The following ITCH variants were observed in gnomAD, a reference collection of about 807,000 sequenced individuals.
ITCH encodes E3 ubiquitin-protein ligase Itchy homolog.
A neutral mutation model predicts 126.8 loss-of-function variants in ITCH; 28 were observed. The observed-to-expected ratio is 0.22, with a 90% CI of 0.16 to 0.30. The LOEUF (loss-of-function observed/expected upper bound fraction) is 0.30. ITCH is among the 10% of genes least tolerant of loss of function. ITCH has a pLI of 1.00. For missense variants in ITCH, 631 were observed against 1,032.4 expected (o/e 0.61, Z 5.33); for synonymous variants, 342 against 340.0 (o/e 1.01, Z -0.06).
intron 1 of ITCH, among the ~76,000 whole-genome samples, chr20:34,368,792 T>TC (rs540418325): frequency 2.0e-4 from 31 of 152,174 alleles, no homozygotes; most frequent in Non-Finnish European, 3.8e-4. Context: ...CCTAGGAGTC[T>TC]CCAAGTTGCA....
chr20:34,415,497 C>T (rs1979701799), intron 6 of ITCH, among the ~76,000 whole-genome samples: 1 of 152,108 alleles, frequency 6.6e-6, no homozygotes, highest in African/African-American at 2.4e-5. Flanking sequence ...TCAGAGGTTG[C>T]AGTGAGCGAA....
intron 22 of ITCH, among the ~76,000 whole-genome samples, chr20:34,491,090 C>T (rs556246948): frequency 3.3e-5 from 5 of 152,236 alleles, no homozygotes; most frequent in Admixed American, 2.0e-4. Context: ...AATCATAAAT[C>T]GAACCATCAT....
chr20:34,443,428 A>C (rs1984027090), intron 10 of ITCH, among the ~76,000 whole-genome samples: 1 of 151,930 alleles, frequency 6.6e-6, no homozygotes, highest in Non-Finnish European at 1.5e-5. Flanking sequence ...GAATGACTTG[A>C]ACCTGGGAGG....
intron 16 of ITCH, chr20:34,476,341 C>T (rs1008899346): frequency 1.4e-5 from 18 of 1,302,058 alleles, no homozygotes; most frequent in East Asian, 5.0e-5. Context: ...CTCCGCGCTC[C>T]GGCCCGGTCC....
chr20:34,485,155 C>T (rs1989017022), intron 20 of ITCH, among the ~76,000 whole-genome samples: 1 of 152,028 alleles, frequency 6.6e-6, no homozygotes. Context: ...AGAAATATTC[C>T]ATGCTGTGTA....
chr20:34,463,743 G>A (rs187719957), intron 14 of ITCH, among the ~76,000 whole-genome samples: 1 of 149,340 alleles, frequency 6.7e-6, no homozygotes, highest in East Asian at 2.0e-4. Flanking sequence ...TTGGCTATTT[G>A]TGTATCTTCT....
chr20:34,364,173 A>G (rs2122927828), intron 1 of ITCH, among the ~76,000 whole-genome samples: 1 of 152,300 alleles, frequency 6.6e-6, no homozygotes, highest in Non-Finnish European at 1.5e-5. Context: ...GCTGGGCCTA[A>G]AGTTAGTTGG....
At position 34,369,409 on chromosome 20, in the gene ITCH, C is replaced by T. The variant is rs1199655065; in HGVS notation, c.-83C>T. 10 of 398,926 alleles carry T rather than the reference C, an allele frequency of 2.5e-5. No individual in the cohort carries two copies. The highest frequency in any genetic ancestry group is 3.5e-5 in the Non-Finnish European group (8 of 226,090). The allele number at this position is 398,926 out of a possible 1,614,324, so 24.7% of individuals were successfully genotyped here. On this transcript the variant is annotated 5_prime_UTR_variant, in exon 2 of 25. The change creates a new upstream start codon in the 5' untranslated region. Transcript: ENST00000374864. ...CCTTTCTCAGGTACCATGCATTTCA[C>T]GGTGGCCTTGTGGAGACAACGCCTT...
intron 14 of ITCH, among the ~76,000 whole-genome samples, chr20:34,465,131 C>T (rs1373844469): frequency 6.6e-6 from 1 of 152,178 alleles, no homozygotes; most frequent in Non-Finnish European, 1.5e-5. Flanking sequence ...CCAATTTTCC[C>T]AAGCACCATT....
chr20:34,466,442 A>C (rs371664339), intron 14 of ITCH: 1 of 503,228 alleles, frequency 2.0e-6, no homozygotes, highest in Non-Finnish European at 4.0e-6. Context: ...TTATACTTCT[A>C]CACATTAACA....
intron 1 of ITCH, among the ~76,000 whole-genome samples, chr20:34,369,045 G>T (rs534637512): frequency 6.6e-6 from 1 of 152,242 alleles, no homozygotes; most frequent in Admixed American, 6.5e-5. Flanking sequence ...AACTATAGAG[G>T]TCAGCTGGGT....
At chr20:34,454,113 C>T (rs1217513593) in intron 12 of ITCH, among the ~76,000 whole-genome samples, 1 of 151,838 alleles carries the variant, frequency 6.6e-6, no homozygotes, top group East Asian at 1.9e-4. Context: ...CAAGAGCAAG[C>T]TGTAACACTG....
chr20:34,462,580 A>G (rs1277587586), intron 14 of ITCH, among the ~76,000 whole-genome samples: 1 of 152,200 alleles, frequency 6.6e-6, no homozygotes, highest in Non-Finnish European at 1.5e-5. Flanking sequence ...CTGAGAAAGT[A>G]ACCTTTTGAT....
chr20:34,487,926 C>T (rs189295798), intron 20 of ITCH, among the ~76,000 whole-genome samples: 68 of 152,206 alleles, frequency 4.5e-4, no homozygotes, highest in South Asian at 2.9e-3. Flanking sequence ...GGGACAAGAG[C>T]GAGACTTCGT....
At chr20:34,444,295 G>C (rs1158578015) in intron 10 of ITCH, among the ~76,000 whole-genome samples, 1 of 152,054 alleles carries the variant, frequency 6.6e-6, no homozygotes, top group Non-Finnish European at 1.5e-5. Context: ...TAAAATGATA[G>C]GAAGTGGGCT....
At chr20:34,379,387 T>G (rs1033181588) in intron 2 of ITCH, among the ~76,000 whole-genome samples, 2 of 152,170 alleles carry the variant, frequency 1.3e-5, no homozygotes, top group African/African-American at 4.8e-5. Context: ...TCAGTGACAT[T>G]AAGTACATTT....
In ITCH at chr20:34,398,201, T is replaced by C. The variant is rs539560777; in HGVS notation, c.70+4320T>C. Among the ~76,000 whole-genome samples the C allele has an allele frequency of 3.3e-5, 5 of 152,036 alleles. No homozygotes were observed. In the East Asian group the frequency reaches 7.7e-4, roughly 24 times the overall value. On this transcript the variant is annotated intron_variant, in intron 3 of 24. Transcript: ENST00000374864. Reference sequence around the variant, plus strand: ...CCTCAGCCTCCTGAGTAGCTGGAACTACAAGTGTGCGCCACCACACCCGGC... The same window carrying C: ...CCTCAGCCTCCTGAGTAGCTGGAACCACAAGTGTGCGCCACCACACCCGGC...
chr20:34,447,746 T>C, intron 11 of ITCH, among the ~76,000 whole-genome samples: 1 of 152,202 alleles, frequency 6.6e-6, no homozygotes, highest in East Asian at 1.9e-4. Flanking sequence ...CATCTTCTCA[T>C]AATCATGTCT....
chr20:34,507,929 AT>A lies in ITCH; in HGVS notation c.*138del. The A allele has an allele frequency of 1.4e-6, 1 of 692,888 alleles. No individual in the cohort carries two copies. Among genetic ancestry groups the A allele is most frequent in the East Asian group, 2.8e-5 (1 of 35,524 alleles). 42.9% of individuals were successfully genotyped at this position (692,888 alleles called of 1,614,324 possible). ...TGAGTGTAAGTAAATTAATGTTCTC[AT>A]TTAGATTTATCTCCCAGTGATTTCT... is the stretch of plus-strand genomic sequence containing the variant. On this transcript the variant is annotated 3_prime_UTR_variant, in exon 25 of 25. Coordinates refer to ENST00000374864, the MANE Select transcript of ITCH (RefSeq NM_031483.7).
Sources: gnomAD v4.1 joint callset for allele counts (sites outside exome capture counted in the v4.1 genomes callset) on GRCh38, gnomAD v4.1.1 for gene constraint, MANE v1.5 for transcripts, NCBI Gene and HGNC (gene_info 2026-07-23, HGNC 2026-07-21) for gene names.